The following ENO3 variants were observed in gnomAD, a reference collection of about 807,000 sequenced individuals.
ENO3 encodes the protein enolase 3.
Under a neutral mutation model 47.7 loss-of-function variants are expected in ENO3, and 46 were observed. That is an observed-to-expected ratio of 0.96 (90% CI 0.76 to 1.23). The LOEUF (loss-of-function observed/expected upper bound fraction) is 1.23. Among genes scored for constraint, ENO3 ranks in the 50% most tolerant of loss-of-function variants. The pLI, the probability that ENO3 is intolerant of heterozygous loss-of-function variation, is 0.00. For missense variants in ENO3, 575 were observed against 566.2 expected (o/e 1.02, Z -0.16); for synonymous variants, 223 against 225.9 (o/e 0.99, Z 0.11).
intron 1 of ENO3, 129 bp downstream of exon 1, chr17:4,951,311 A>C: frequency 1.0e-6 from 1 of 1,003,514 alleles, no homozygotes. Flanking sequence ...AAGCTGGGGG[A>C]AGGGGCGGCT....
At chr17:4,952,605 G>C (rs1234584208) in intron 2 of ENO3, among the ~76,000 whole-genome samples, 190 bp from the exon 3 acceptor site, 1 of 152,194 alleles carries the variant, frequency 6.6e-6, no homozygotes, top group Non-Finnish European at 1.5e-5. Flanking sequence ...TTACAGGCGT[G>C]AGCCACCGCG....
chr17:4,952,954 G>T (rs1411666191), intron 3 of ENO3, 64 bp downstream of exon 3: 3 of 1,610,148 alleles, frequency 1.9e-6, no homozygotes, highest in Non-Finnish European at 2.5e-6. Flanking sequence ...TGCACAATGG[G>T]TAGAGGACTG....
At chr17:4,952,569 C>T (rs975135624) in intron 2 of ENO3, among the ~76,000 whole-genome samples, 4 of 152,090 alleles carry the variant, frequency 2.6e-5, no homozygotes, top group African/African-American at 9.7e-5. Context: ...GTGATCCGCC[C>T]GCCTTGGCCT....
chr17:4,955,690 G>A (rs773307250), intron 8 of ENO3, 86 bp downstream of exon 8: 3 of 1,571,754 alleles, frequency 1.9e-6, no homozygotes, highest in Admixed American at 1.7e-5. Flanking sequence ...CTTTGCCATC[G>A]ACTTGGATCC....
intron 6 of ENO3, among the ~76,000 whole-genome samples, 179 bp from the exon 7 acceptor site, chr17:4,954,895 CA>C (rs375176343): frequency 5.7e-3 from 369 of 64,676 alleles, no homozygotes; most frequent in Non-Finnish European, 7.7e-3. Flanking sequence ...GACTCCGTCT[CA>C]AAAAAAAAAA....
rs938105654 is a variant in ENO3, at chr17:4,954,968, A to G, written c.445-107A>G. 2.3e-4 allele frequency: 212 copies of G among 906,190 alleles called. 1 individual carries two copies. Among genetic ancestry groups the G allele is most frequent in the Non-Finnish European group, 3.5e-4 (205 of 583,654 alleles). 56.1% of individuals were successfully genotyped at this position (906,190 alleles called of 1,614,324 possible). A position where few individuals can be genotyped will look rare whatever the true frequency, so the allele number is the denominator to read the frequency against. ...CAAAACTACTCATCCTAGACCACTGAGCTAGTAAGTAGGGAAGCCAGGTTT... is the reference window on the plus strand; with the variant it reads ...CAAAACTACTCATCCTAGACCACTGGGCTAGTAAGTAGGGAAGCCAGGTTT... On this transcript the variant is annotated intron_variant, in intron 6 of 11. Coordinates refer to ENST00000519602, the MANE Select transcript of ENO3 (RefSeq NM_053013.4).
At chr17:4,954,745 T>C (rs180896239) in intron 6 of ENO3, among the ~76,000 whole-genome samples, 3 of 152,084 alleles carry the variant, frequency 2.0e-5, no homozygotes, top group Admixed American at 2.0e-4. Flanking sequence ...AAACCCCGTC[T>C]CTACTAAAAA....
upstream of ENO3, chr17:4,950,735 C>T (rs191973027): frequency 1.4e-5 from 13 of 945,764 alleles, no homozygotes; most frequent in Admixed American, 2.5e-4. Flanking sequence ...ATCTTGCAGC[C>T]CCTCTTCCAG....
Position 4,955,472 on chromosome 17 carries a change from G to C in ENO3, c.733G>C (p.Asp245His). The change falls in exon 8 of 12, where the codon GAT becomes CAT. Residue 245 changes from aspartate to histidine, a missense_variant. By Grantham distance (81) the Asp-to-His change is moderately conservative (BLOSUM62 -1). Transcript: ENST00000519602. Reference sequence around the variant, plus strand: ...CCCAGACAAGGTGGTGATCGGCATGGATGTGGCAGCATCTGAGTTCTATCG... The same window carrying C: ...CCCAGACAAGGTGGTGATCGGCATGCATGTGGCAGCATCTGAGTTCTATCG... Reference protein sequence around the residue: ...GYPDKVVIGMDVAASEFYRNG... With the variant: ...GYPDKVVIGMHVAASEFYRNG... 1 of 1,614,256 alleles carries C rather than the reference G, an allele frequency of 6.2e-7. No homozygotes were observed. Among genetic ancestry groups the C allele is most frequent in the South Asian group, 1.1e-5 (1 of 91,092 alleles).
intron 2 of ENO3, chr17:4,952,115 G>A: frequency 1.5e-6 from 1 of 684,268 alleles, no homozygotes; most frequent in Non-Finnish European, 2.7e-6. Context: ...TCCTGTCCCT[G>A]AGCTCAGAGA....
At chr17:4,951,679 C>T (rs769946473) in intron 1 of ENO3, 149 bp from the exon 2 acceptor site, 6 of 821,100 alleles carry the variant, frequency 7.3e-6, no homozygotes, top group Non-Finnish European at 1.2e-5. Flanking sequence ...GGGGGCTGCG[C>T]CTGCCTCTTT....
At position 4,953,342 on chromosome 17, in the gene ENO3, G is replaced by A; in HGVS notation, c.310+1G>A. On this transcript the variant is annotated splice_donor_variant, in intron 5 of 11. Coordinates refer to ENST00000519602, the MANE Select transcript of ENO3 (RefSeq NM_053013.4). LOFTEE classifies it high-confidence loss of function. ...GAGCTAGATGGGACCGAGAATAAGT[G>A]TGAGTGAAGGGCTAGCGGTGGGGAA... 6.2e-7 allele frequency: 1 copy of A among 1,614,254 alleles called. No individual in the cohort carries two copies.
chr17:4,952,009 G>A (rs979322779), intron 2 of ENO3, 95 bp downstream of exon 2: 6 of 1,382,712 alleles, frequency 4.3e-6, no homozygotes, highest in South Asian at 1.2e-5. Context: ...CCTTTCTCTC[G>A]GGTTCCCTTT....
intron 1 of ENO3, 152 bp downstream of exon 1, chr17:4,951,334 TG>T (rs2151138649): frequency 1.0e-6 from 1 of 964,520 alleles, no homozygotes; most frequent in Admixed American, 5.1e-5. Flanking sequence ...AGCAAGCAGA[TG>T]GGACAAACTC....
Position 4,956,598 on chromosome 17 carries a change from T to TG in ENO3, c.1099dup (p.Val367GlyfsTer11), listed in dbSNP as rs961001512. 6.2e-7 allele frequency: 1 copy of TG among 1,614,158 alleles called. No individual in the cohort carries two copies. The highest frequency in any genetic ancestry group is 8.5e-7 in the Non-Finnish European group (1 of 1,180,014). On this transcript the variant is annotated frameshift_variant, in exon 10 of 12. Transcript: ENST00000519602. LOFTEE classifies it high-confidence loss of function. ...GTGCAAACTGGCTCAGTCTAATGGC[T>TG]GGGGGGTGATGGTGAGCCACCGCTC...
At chr17:4,949,563 C>A (rs914478213), upstream of ENO3, among the ~76,000 whole-genome samples, 1 of 151,802 alleles carries the variant, frequency 6.6e-6, no homozygotes, top group South Asian at 2.1e-4. Context: ...CCACTTCGGG[C>A]CCTTTGGGTT....
At chr17:4,955,633 T>C (rs1382464491) in intron 8 of ENO3, 29 bp downstream of exon 8, 9 of 1,613,958 alleles carry the variant, frequency 5.6e-6, no homozygotes, top group Non-Finnish European at 5.9e-6. Flanking sequence ...CCAGTGTTCC[T>C]GCCCGAATCC....
upstream of ENO3, among the ~76,000 whole-genome samples, chr17:4,950,881 T>C (rs1971521405): frequency 6.6e-6 from 1 of 152,150 alleles, no homozygotes; most frequent in South Asian, 2.1e-4. Context: ...CCTCCCTTGC[T>C]CCTCCCAAAG....
chr17:4,951,441 G>T (rs565622777), intron 1 of ENO3, among the ~76,000 whole-genome samples: 1 of 152,218 alleles, frequency 6.6e-6, no homozygotes, highest in Non-Finnish European at 1.5e-5. Context: ...ATAGGGAATT[G>T]GGGGCCCAAG....
Sources: gnomAD v4.1 joint callset for allele counts (sites outside exome capture counted in the v4.1 genomes callset) on GRCh38, gnomAD v4.1.1 for gene constraint, MANE v1.5 for transcripts, NCBI Gene and HGNC (gene_info 2026-07-23, HGNC 2026-07-21) for gene names.